The following COL6A3 variants were observed in gnomAD, a reference collection of about 807,000 sequenced individuals.
COL6A3 encodes collagen type VI alpha 3 chain.
In COL6A3, 137 loss-of-function variants were observed where a neutral mutation model predicts 274.1. The ratio of observed to expected loss-of-function variants is 0.50; its 90% CI spans 0.44 to 0.58. The LOEUF (loss-of-function observed/expected upper bound fraction) is 0.58. Ranked by LOEUF, COL6A3 falls within the 20% of genes least tolerant of loss-of-function variation. COL6A3 has a pLI of 0.00. For missense variants in COL6A3, 3,950 were observed against 4,124.9 expected (o/e 0.96, Z 1.16); for synonymous variants, 1,650 against 1,650.6 (o/e 1.00, Z 0.01).
rs1057518127 is a variant in COL6A3, at chr2:237,372,208, C to T, written c.3809G>A (p.Arg1270Gln). 1.8e-5 allele frequency: 29 copies of T among 1,613,938 alleles called. No homozygotes were observed. The highest frequency in any genetic ancestry group is 6.7e-5 in the East Asian group (3 of 44,872). Residue 1270 changes from arginine to glutamine, a missense_variant, in exon 9 of 44, where the codon CGG becomes CAG. Physicochemically the swap from Arg to Gln is conservative, Grantham distance 43. Around this residue, in one of 5 missense-constraint regions of COL6A3, gnomAD observed 1,934 missense variants for 1,984.3 expected, o/e 0.97. Transcript: ENST00000295550. ...DYLDVGFDTT[R>Q]VAVIQFSDDP... ...ATCGCTGAACTGGATGACAGCCACC[C>T]GGGTGGTGTCAAAGCCCACGTCCAG...
chr2:237,376,756 C>G lies in COL6A3; in HGVS notation c.3070+16G>C. On this transcript the variant is annotated intron_variant, in intron 7 of 43. Coordinates refer to ENST00000295550, the MANE Select transcript of COL6A3 (RefSeq NM_004369.4). ...GAGAACTGAGTGGCAGAGCAACTAG[C>G]ATTTCTCTACCATACCTGGTGCTGG... is the stretch of plus-strand genomic sequence containing the variant. 6.2e-7 allele frequency: 1 copy of G among 1,612,192 alleles called. No individual in the cohort carries two copies.
rs762750889 is a variant in COL6A3, at chr2:237,364,214, G to A, written c.5917+136C>T. The stretch of plus-strand genomic sequence containing the variant: ...CAAGCAGGTGATGAAGGGCCACAAC[G>A]CTGGGAGGAAGAGTCTCCCAAGACA... On this transcript the variant is annotated intron_variant, in intron 13 of 43. Transcript: ENST00000295550. The surrounding 1 kb of genome is among the most constrained non-coding windows in gnomAD (Gnocchi z 4.6). 157 of 740,204 alleles carry A rather than the reference G, an allele frequency of 2.1e-4. No homozygotes were observed. The highest frequency in any genetic ancestry group is 3.5e-4 in the Non-Finnish European group (147 of 418,228). The allele number at this position is 740,204 out of a possible 1,614,324, so 45.9% of individuals were successfully genotyped here.
chr2:237,372,138 A>G lies in COL6A3; in HGVS notation c.3879T>C (p.Asp1293=). 6.2e-7 allele frequency: 1 copy of G among 1,613,964 alleles called. No homozygotes were observed. ...GCCGCTGCACCGCGTTCTGCACTTC[A>G]TCCTTGCTGGAATGGGCGTTCAGCA... is the stretch of plus-strand genomic sequence containing the variant. ...EFLLNAHSSK[D]EVQNAVQRLR... The change falls in exon 9 of 44, where the codon GAT becomes GAC. Residue 1293 remains aspartate, a synonymous_variant. Transcript: ENST00000295550.
chr2:237,394,761 C>T lies in COL6A3; in HGVS notation c.535G>A (p.Asp179Asn). 6.2e-7 allele frequency: 1 copy of T among 1,614,220 alleles called. No individual in the cohort carries two copies. The highest frequency in any genetic ancestry group is 8.5e-7 in the Non-Finnish European group (1 of 1,180,032). Residue 179 changes from aspartate (D) to asparagine (N), a missense_variant, in exon 3 of 44, where the codon GAT (aspartate) becomes AAT (asparagine). This residue lies in a region of COL6A3 where 1,934 missense variants were observed against 1,984.3 expected (regional missense o/e 0.97). Coordinates refer to ENST00000295550, the MANE Select transcript of COL6A3 (RefSeq NM_004369.4). ...DVNVFAIGVE[D>N]ADEGALKEIA... ...TCTTTTAACGCTCCTTCATCTGCAT[C>T]CTCAACTCCAATTGCAAACACGTTA...
At chr2:237,341,244 A>G (rs1336327697) in intron 37 of COL6A3, 94 bp from the exon 38 acceptor site, 4 of 1,257,074 alleles carry the variant, frequency 3.2e-6, no homozygotes, top group Non-Finnish European at 4.6e-6. Context: ...GATTAAAATG[A>G]TCACATAAGA....
intron 1 of COL6A3, among the ~76,000 whole-genome samples, chr2:237,403,377 G>A (rs753306369): frequency 5.3e-5 from 8 of 152,096 alleles, no homozygotes; most frequent in Non-Finnish European, 1.0e-4. Context: ...TCAACAAAAA[G>A]TACCACCTGT....
At position 237,376,791 on chromosome 2, in the gene COL6A3, G is replaced by C; in HGVS notation, c.3051C>G (p.His1017Gln). Residue 1017 changes from histidine (H) to glutamine (Q), a missense_variant, in exon 7 of 44, where the codon CAC becomes CAG. Around this residue, in one of 5 missense-constraint regions of COL6A3, gnomAD observed 1,934 missense variants for 1,984.3 expected, o/e 0.97. Transcript: ENST00000295550. Reference sequence around the variant, plus strand: ...CCATACCTGGTGCTGGTGCTCCGTTGTGCACTGATTTTAAGAGATTCACTA... The same window carrying C: ...CCATACCTGGTGCTGGTGCTCCGTTCTGCACTGATTTTAAGAGATTCACTA... ...PQIVNLLKSVHNGAPAPVSGE... is the reference protein window; with the variant it reads ...PQIVNLLKSVQNGAPAPVSGE... 1 of 1,614,174 alleles carries C rather than the reference G, an allele frequency of 6.2e-7. No homozygotes were observed. Among genetic ancestry groups the C allele is most frequent in the Non-Finnish European group, 8.5e-7 (1 of 1,180,026 alleles).
intron 7 of COL6A3, among the ~76,000 whole-genome samples, chr2:237,376,319 A>C (rs764457389): frequency 1.3e-5 from 2 of 152,242 alleles, no homozygotes; most frequent in Non-Finnish European, 2.9e-5. Context: ...TATGGTGGAA[A>C]GTTATCTACC....
intron 41 of COL6A3, among the ~76,000 whole-genome samples, chr2:237,333,820 G>C (rs1700390000): frequency 6.6e-6 from 1 of 152,142 alleles, no homozygotes; most frequent in Non-Finnish European, 1.5e-5. Context: ...TGCTGTCCAG[G>C]AAAATAGAGC....
In COL6A3 at chr2:237,378,863, T is replaced by A. The variant is rs769363327; in HGVS notation, c.2270A>T (p.Asp757Val). The change falls in exon 6 of 44, where the codon GAC (aspartate) becomes GTC (valine). Residue 757 changes from aspartate to valine, a missense_variant. This residue lies in a region of COL6A3 where 1,934 missense variants were observed against 1,984.3 expected (regional missense o/e 0.97). Transcript: ENST00000295550. ...LLLLTAGQSEDSYLQAANALT... is the reference protein window; with the variant it reads ...LLLLTAGQSEVSYLQAANALT... ...GGCGTTGGCAGCTTGCAAATAGGAG[T>A]CCTCAGACTGCCCAGCTGTGAGCAG... The A allele has an allele frequency of 9.9e-6, 16 of 1,613,926 alleles. No individual in the cohort carries two copies. In the South Asian group the frequency reaches 1.2e-4, roughly 12 times the overall value.
In COL6A3 at chr2:237,365,884, G is replaced by T. The variant is rs200285455; in HGVS notation, c.5652C>A (p.Thr1884=). 6.2e-7 allele frequency: 1 copy of T among 1,614,154 alleles called. No individual in the cohort carries two copies. The highest frequency in any genetic ancestry group is 2.2e-5 in the East Asian group (1 of 44,888). The change falls in exon 12 of 44, where the codon ACC becomes ACA. Residue 1884 remains threonine, a synonymous_variant. Coordinates refer to ENST00000295550, the MANE Select transcript of COL6A3 (RefSeq NM_004369.4). The part of the protein sequence containing the change: ...RVSCSGGRSP[T]VRVSVVANTP... ...TGTTGGCCACCACTGACACACGCACGGTGGGCGAGCGGCCACCGCTGCAGC... is the reference window on the plus strand; with the variant it reads ...TGTTGGCCACCACTGACACACGCACTGTGGGCGAGCGGCCACCGCTGCAGC...
In COL6A3 at chr2:237,357,811, C is replaced by A; in HGVS notation, c.6537+6G>T. On this transcript the variant is annotated splice_donor_region_variant and intron_variant, in intron 22 of 43. Coordinates refer to ENST00000295550, the MANE Select transcript of COL6A3 (RefSeq NM_004369.4). ...AGGGAGAGTCTAGGAATGTGCAGCA[C>A]CTTACCATGGGGCCGAGGTCACCGG... The A allele has an allele frequency of 6.2e-7, 1 of 1,614,002 alleles. No individual in the cohort carries two copies. Among genetic ancestry groups the A allele is most frequent in the Non-Finnish European group, 8.5e-7 (1 of 1,179,954 alleles).
intron 1 of COL6A3, among the ~76,000 whole-genome samples, chr2:237,397,905 C>T (rs538347881): frequency 5.3e-5 from 8 of 152,188 alleles, no homozygotes; most frequent in Non-Finnish European, 8.8e-5. Context: ...AAGTGATGTA[C>T]GCAGCAATTT....
chr2:237,374,664 T>C lies in COL6A3; in HGVS notation c.3427A>G (p.Arg1143Gly). The stretch of plus-strand genomic sequence containing the variant: ...GGGTTCCGCACATCATCCCCAGACC[T>C]GTCGGCCGTGAGGACGATCAGCAGC... ...PQLLIVLTAD[R>G]SGDDVRNPSV... The change falls in exon 8 of 44, where the codon AGG becomes GGG. Residue 1143 changes from arginine (R) to glycine (G), a missense_variant. By Grantham distance (125) the Arg-to-Gly change is moderately radical. Around this residue, in one of 5 missense-constraint regions of COL6A3, gnomAD observed 1,934 missense variants for 1,984.3 expected, o/e 0.97. Transcript: ENST00000295550. This position sits in a 1 kb window ranked among gnomAD's most constrained non-coding sequence, Gnocchi z 4.8. The C allele has an allele frequency of 6.2e-7, 1 of 1,614,012 alleles. No homozygotes were observed. Among genetic ancestry groups the C allele is most frequent in the Non-Finnish European group, 8.5e-7 (1 of 1,179,916 alleles).
In COL6A3 at chr2:237,357,182, A is replaced by G. The variant is rs2077337081; in HGVS notation, c.6591+156T>C. 4 of 777,828 alleles carry G rather than the reference A, an allele frequency of 5.1e-6. No individual in the cohort carries two copies. The East Asian group carries it at 7.3e-5, about 14-fold the overall frequency. The allele number at this position is 777,828 out of a possible 1,614,324, so 48.2% of individuals were successfully genotyped here. A position where few individuals can be genotyped will look rare whatever the true frequency, so the allele number is the denominator to read the frequency against. ...AGAGATGAAGCACCAGGGAAATTAT[A>G]AGAATGAAAATAGATTGGAGTAACA... On this transcript the variant is annotated intron_variant, in intron 23 of 43. Coordinates refer to ENST00000295550, the MANE Select transcript of COL6A3 (RefSeq NM_004369.4).
Position 237,332,043 on chromosome 2 carries a change from C to T in COL6A3, c.9328+1407G>A, listed in dbSNP as rs550930419. 6.2e-4 allele frequency among the ~76,000 whole-genome samples: 76 copies of T among 123,406 alleles called. 1 individual carries two copies. Among genetic ancestry groups the T allele is most frequent in the African/African-American group, 2.0e-3 (69 of 34,482 alleles). 81.0% of individuals were successfully genotyped at this position (123,406 alleles called of 152,430 possible). On this transcript the variant is annotated intron_variant, in intron 42 of 43. Coordinates refer to ENST00000295550, the MANE Select transcript of COL6A3 (RefSeq NM_004369.4). ...TCTTAATTCTGAACCTCACAACTCT[C>T]TCCCCCCATCTCTCTCTCTCTCTCT...
Position 237,364,370 on chromosome 2 carries a change from G to A in COL6A3, c.5897C>T (p.Ser1966Phe). The A allele has an allele frequency of 6.2e-7, 1 of 1,614,002 alleles. No homozygotes were observed. The highest frequency in any genetic ancestry group is 8.5e-7 in the Non-Finnish European group (1 of 1,179,924). Reference protein sequence around the residue: ...DGDLADLHRASENLRQEGVRA... With the variant: ...DGDLADLHRAFENLRQEGVRA... ...CCTACCTTCTTGGCGGAGGTTCTCA[G>A]ATGCTCTGTGTAAATCAGCCAGATC... The change falls in exon 13 of 44, where the codon TCT (serine) becomes TTT (phenylalanine). Residue 1966 changes from serine to phenylalanine, a missense_variant. This residue lies in a region of COL6A3 where 632 missense variants were observed against 623.4 expected (regional missense o/e 1.01). Transcript: ENST00000295550. The surrounding 1 kb of genome is among the most constrained non-coding windows in gnomAD (Gnocchi z 4.6).
In COL6A3 at chr2:237,344,849, G is replaced by C. The variant is rs199723531; in HGVS notation, c.7175-6C>G. 215 of 1,613,546 alleles carry C rather than the reference G, an allele frequency of 1.3e-4. No individual in the cohort carries two copies. Among genetic ancestry groups the C allele is most frequent in the Admixed American group, 2.2e-4 (13 of 60,026 alleles). ...GACGGGGCACTCCAGGGGCCCTGTGGAAAGTAGAGGGTGGAGGGTTAAAGA... is the reference window on the plus strand; with the variant it reads ...GACGGGGCACTCCAGGGGCCCTGTGCAAAGTAGAGGGTGGAGGGTTAAAGA... On this transcript the variant is annotated splice_region_variant and splice_polypyrimidine_tract_variant and intron_variant, in intron 35 of 43. Transcript: ENST00000295550. The surrounding 1 kb of genome is among the most constrained non-coding windows in gnomAD (Gnocchi z 4.8).
intron 36 of COL6A3, 97 bp from the exon 37 acceptor site, chr2:237,342,258 T>A (rs755632634): frequency 1.1e-6 from 1 of 930,754 alleles, no homozygotes; most frequent in African/African-American, 1.6e-5. Flanking sequence ...ATCAATAAAA[T>A]AGATTAACTT....
Sources: allele counts gnomAD v4.1 joint callset (sites outside exome capture counted in the v4.1 genomes callset), GRCh38; gene constraint gnomAD v4.1.1; regional missense constraint gnomAD v4.1.1; non-coding constraint Gnocchi (gnomAD v3.1); transcripts MANE v1.5; gene names NCBI Gene and HGNC (gene_info 2026-07-23, HGNC 2026-07-21).